GLP1R: variants seen among roughly 807,000 people sequenced by gnomAD.
GLP1R encodes glucagon-like peptide 1 receptor.
GLP1R carries 32 observed loss-of-function variants against 68.4 expected under a neutral mutation model. The ratio of observed to expected loss-of-function variants is 0.47; its 90% confidence interval spans 0.35 to 0.63. The LOEUF is 0.63. GLP1R is among the 20% of genes least tolerant of loss of function. The pLI is 0.00. For synonymous variants in GLP1R, 263 were observed against 244.4 expected, an observed-to-expected ratio of 1.08 and a Z score of -0.71; for missense variants, 502 against 594.9, an observed-to-expected ratio of 0.84 and a Z score of 1.62.
intron 1 of GLP1R, among the ~76,000 whole-genome samples, chr6:39,050,013 G>T (rs1285412484): frequency 6.6e-6 from 1 of 152,182 alleles, no homozygotes; most frequent in Non-Finnish European, 1.5e-5. Flanking sequence ...CTTGGTGAGG[G>T]CAGACTCCAC....
In GLP1R at chr6:39,073,663, C is replaced by T; in HGVS notation, c.717C>T (p.Ala239=). Residue 239 remains alanine (A), a synonymous_variant, in exon 7 of 13, where the codon GCC becomes GCT. Coordinates refer to ENST00000373256, the MANE Select transcript of GLP1R (RefSeq NM_002062.5). ...VFLLMQYCVA[A]NYYWLLVEGV... is the part of the protein sequence containing the mutation. Reference sequence around the variant, plus strand: ...TGCTCATGCAGTACTGTGTGGCGGCCAATTACTACTGGCTCTTGGTGGAGG... The same window carrying T: ...TGCTCATGCAGTACTGTGTGGCGGCTAATTACTACTGGCTCTTGGTGGAGG... 1.2e-6 allele frequency: 2 copies of T among 1,613,834 alleles called. No individual in the cohort carries two copies. The highest frequency in any genetic ancestry group is 1.7e-6 in the Non-Finnish European group (2 of 1,179,816).
chr6:39,074,803 G>A (rs923809835), intron 7 of GLP1R, among the ~76,000 whole-genome samples: 1 of 152,184 alleles, frequency 6.6e-6, no homozygotes, highest in South Asian at 2.1e-4. Flanking sequence ...CAGGGTGTCC[G>A]CTGCCTCTTC....
Position 39,079,713 on chromosome 6 carries a change from G to T in GLP1R, c.1182+11G>T. ...TTCACCTCCTTCCAGGTGACTTCATGCTTGGGGACACTTGCTTGTAAAGTC... is the reference window on the plus strand; with the variant it reads ...TTCACCTCCTTCCAGGTGACTTCATTCTTGGGGACACTTGCTTGTAAAGTC... On this transcript the variant is annotated intron_variant, in intron 11 of 12. Coordinates refer to ENST00000373256, the MANE Select transcript of GLP1R (RefSeq NM_002062.5). This position sits in a 1 kb window ranked among gnomAD's most constrained non-coding sequence, Gnocchi z 4.5. 1 of 1,610,750 alleles carries T rather than the reference G, an allele frequency of 6.2e-7. No homozygotes were observed. Among genetic ancestry groups the T allele is most frequent in the Non-Finnish European group, 8.5e-7 (1 of 1,177,638 alleles).
chr6:39,080,771 G>T, intron 12 of GLP1R, 32 bp downstream of exon 12: 1 of 1,472,288 alleles, frequency 6.8e-7, no homozygotes, highest in Non-Finnish European at 9.3e-7. Context: ...TGGGGACCCT[G>T]GTGGGTGGGT....
intron 7 of GLP1R, among the ~76,000 whole-genome samples, chr6:39,077,576 C>A (rs1257777380): frequency 6.6e-6 from 1 of 152,200 alleles, no homozygotes; most frequent in African/African-American, 2.4e-5. Context: ...AAGTGACATG[C>A]CATCACTTCT....
At position 39,079,598 on chromosome 6, in the gene GLP1R, C is replaced by T. The variant is rs750432078; in HGVS notation, c.1078C>T (p.Leu360=). The T allele has an allele frequency of 1.9e-6, 3 of 1,607,820 alleles. No individual in the cohort carries two copies. Among genetic ancestry groups the T allele is most frequent in the South Asian group, 2.2e-5 (2 of 90,002 alleles). The stretch of plus-strand genomic sequence containing the variant: ...GTCCACGCTGACACTCATCCCCCTG[C>T]TGGGGACTCATGAGGTCATCTTTGC... ...AKSTLTLIPL[L]GTHEVIFAFV... Residue 360 remains leucine, a synonymous_variant, in exon 11 of 13, where the codon CTG becomes TTG. Transcript: ENST00000373256. This position sits in a 1 kb window ranked among gnomAD's most constrained non-coding sequence, Gnocchi z 4.5.
chr6:39,057,053 A>T (rs1258006662), intron 2 of GLP1R, among the ~76,000 whole-genome samples: 1 of 152,222 alleles, frequency 6.6e-6, no homozygotes, highest in Non-Finnish European at 1.5e-5. Flanking sequence ...ATAACACGTG[A>T]CCTAAAGAAG....
chr6:39,065,593 G>A, intron 3 of GLP1R, 118 bp from the exon 4 acceptor site: 1 of 631,008 alleles, frequency 1.6e-6, no homozygotes, highest in East Asian at 2.8e-5. Context: ...CTAACTCAGA[G>A]TAGTCCATTC....
At chr6:39,063,961 A>ACACACCC (rs1217789430) in intron 3 of GLP1R, among the ~76,000 whole-genome samples, 1 of 104,922 alleles carries the variant, frequency 9.5e-6, no homozygotes, top group Non-Finnish European at 1.9e-5. Context: ...ACACACACAC[A>ACACACCC]CCCCACATTA....
At chr6:39,072,585 A>G (rs1289795796) in intron 5 of GLP1R, among the ~76,000 whole-genome samples, 1 of 152,226 alleles carries the variant, frequency 6.6e-6, no homozygotes, top group East Asian at 1.9e-4. Flanking sequence ...GTTATGCAAG[A>G]CTTTGTGTCA....
intron 3 of GLP1R, among the ~76,000 whole-genome samples, chr6:39,063,959 A>ACACC (rs1562008017): frequency 8.2e-6 from 1 of 122,310 alleles, no homozygotes; most frequent in Non-Finnish European, 1.7e-5. Context: ...ACACACACAC[A>ACACC]CACCCCACAT....
chr6:39,079,067 G>A lies in GLP1R; in HGVS notation c.954+41G>A, dbSNP rs1486674228. The A allele has an allele frequency of 6.2e-7, 1 of 1,608,624 alleles. No individual in the cohort carries two copies. The highest frequency in any genetic ancestry group is 2.2e-5 in the East Asian group (1 of 44,846). Reference sequence around the variant, plus strand: ...AGGGATGGGAGTGGCAGCTATGATAGGGCTGGGCTGGTGCCCCCTGCCAAT... The same window carrying A: ...AGGGATGGGAGTGGCAGCTATGATAAGGCTGGGCTGGTGCCCCCTGCCAAT... On this transcript the variant is annotated intron_variant, in intron 9 of 12. Coordinates refer to ENST00000373256, the MANE Select transcript of GLP1R (RefSeq NM_002062.5). The surrounding 1 kb of genome is among the most constrained non-coding windows in gnomAD (Gnocchi z 4.5).
intron 3 of GLP1R, among the ~76,000 whole-genome samples, chr6:39,059,907 G>C (rs573324726): frequency 6.6e-6 from 1 of 152,150 alleles, no homozygotes; most frequent in Non-Finnish European, 1.5e-5. Context: ...GGTGGTGCCC[G>C]TTTATGAGCA....
At chr6:39,052,480 G>T (rs1768109330) in intron 1 of GLP1R, among the ~76,000 whole-genome samples, 1 of 152,146 alleles carries the variant, frequency 6.6e-6, no homozygotes, top group South Asian at 2.1e-4. Context: ...CTTCCTGCAT[G>T]TCTCCCACCT....
chr6:39,070,929 C>A lies in GLP1R; in HGVS notation c.510-1933C>A, dbSNP rs561957139. On this transcript the variant is annotated intron_variant, in intron 5 of 12. Coordinates refer to ENST00000373256, the MANE Select transcript of GLP1R (RefSeq NM_002062.5). ...TTCATTTTAATGGAATAAAGTTTAT[C>A]AATTTAGTATTGATAAATAAAATTT... Among the ~76,000 whole-genome samples the A allele has an allele frequency of 2.0e-5, 3 of 152,164 alleles. No homozygotes were observed. The South Asian group carries it at 6.2e-4, about 32-fold the overall frequency.
intron 4 of GLP1R, 32 bp downstream of exon 4, chr6:39,065,861 CG>C: frequency 7.5e-7 from 1 of 1,335,760 alleles, no homozygotes; most frequent in Non-Finnish European, 1.1e-6. Context: ...AGCCAGGGAG[CG>C]GGGAGCCATG....
intron 7 of GLP1R, among the ~76,000 whole-genome samples, chr6:39,074,579 A>C (rs1768764743): frequency 6.6e-6 from 1 of 151,720 alleles, no homozygotes; most frequent in Non-Finnish European, 1.5e-5. Context: ...GTTCCACACC[A>C]TCCCCCGCCC....
chr6:39,067,232 A>G (rs1768541582), intron 5 of GLP1R, among the ~76,000 whole-genome samples: 2 of 152,240 alleles, frequency 1.3e-5, no homozygotes, highest in Non-Finnish European at 2.9e-5. Flanking sequence ...GAGTAGCTAT[A>G]GAAATATATA....
chr6:39,062,131 T>C (rs1050697371), intron 3 of GLP1R, among the ~76,000 whole-genome samples: 2 of 152,202 alleles, frequency 1.3e-5, no homozygotes, highest in African/African-American at 4.8e-5. Flanking sequence ...GTTAGCTTGA[T>C]TACAGGCGCC....
Sources: gnomAD v4.1 joint callset for allele counts (sites outside exome capture counted in the v4.1 genomes callset) on GRCh38, gnomAD v4.1.1 for gene constraint, Gnocchi (gnomAD v3.1) non-coding constraint, MANE v1.5 for transcripts, NCBI Gene and HGNC (gene_info 2026-07-23, HGNC 2026-07-21) for gene names.